Variants in SEL1L3 observed in about 807,000 individuals in gnomAD.
SEL1L3 encodes the protein protein sel-1 homolog 3.
Under a neutral mutation model 142.8 loss-of-function variants are expected in SEL1L3, and 76 were observed. The ratio of observed to expected loss-of-function variants is 0.53; its 90% CI spans 0.44 to 0.64. SEL1L3 has a LOEUF of 0.64. Among genes scored for constraint, SEL1L3 ranks in the 30% least tolerant of loss-of-function variants. The pLI, the probability that SEL1L3 is intolerant of heterozygous loss-of-function variation, is 0.00. For synonymous variants in SEL1L3, 504 were observed against 519.6 expected (o/e 0.97, Z 0.41); for missense variants, 1,262 against 1,381.7 (o/e 0.91, Z 1.37).
At chr4:25,749,175 C>T (rs375167704) in intron 23 of SEL1L3, among the ~76,000 whole-genome samples, 1 of 152,070 alleles carries the variant, frequency 6.6e-6, no homozygotes, top group South Asian at 2.1e-4. Context: ...GTTTGAGTCT[C>T]CCGGGCCTCG....
At chr4:25,724,748 AAAAAAAAAAAAAAAAAAAAAAAAG>A in the SEL1L3 span, among the ~76,000 whole-genome samples, 2 of 89,128 alleles carry the variant, frequency 2.2e-5, no homozygotes, top group African/African-American at 6.3e-5. Context: ...AAAAAAAAAA[AAAAAAAAAAAAAAAAAAAAAAAAG>A]GAAAAGAAAT....
the SEL1L3 span, among the ~76,000 whole-genome samples, chr4:25,715,797 T>TA: frequency 7.5e-6 from 1 of 133,486 alleles, no homozygotes; most frequent in East Asian, 2.0e-4. Flanking sequence ...GGTTATATAG[T>TA]AAAGGAAGAA....
Position 25,805,627 on chromosome 4 carries a change from G to A in SEL1L3, c.1565-875C>T, listed in dbSNP as rs76457839. Among the ~76,000 whole-genome samples the A allele has an allele frequency of 4.6e-3, 705 of 152,294 alleles. 3 individuals carry two copies. The highest frequency in any genetic ancestry group is 6.6e-3 in the Non-Finnish European group (451 of 68,036). ...TAATTCTCCCATGAATCTATAAGCTGATCATCATTTAAGCCCAAACAAGCA... is the reference window on the plus strand; with the variant it reads ...TAATTCTCCCATGAATCTATAAGCTAATCATCATTTAAGCCCAAACAAGCA... On this transcript the variant is annotated intron_variant, in intron 9 of 23. Coordinates refer to ENST00000399878, the MANE Select transcript of SEL1L3 (RefSeq NM_015187.5).
the SEL1L3 span, among the ~76,000 whole-genome samples, chr4:25,717,868 A>G: frequency 6.6e-6 from 1 of 152,204 alleles, no homozygotes; most frequent in African/African-American, 2.4e-5. Flanking sequence ...TAAAGGTTAA[A>G]CAATCTTATG....
the SEL1L3 span, among the ~76,000 whole-genome samples, chr4:25,726,723 TACA>T: frequency 6.6e-6 from 1 of 152,108 alleles, no homozygotes; most frequent in African/African-American, 2.4e-5. Flanking sequence ...GTGAAATTAT[TACA>T]ACAAGCCTTC....
Position 25,804,652 on chromosome 4 carries a change from G to A in SEL1L3, c.1665C>T (p.Ser555=). 1 of 1,613,558 alleles carries A rather than the reference G, an allele frequency of 6.2e-7. No individual in the cohort carries two copies. Among genetic ancestry groups the A allele is most frequent in the Non-Finnish European group, 8.5e-7 (1 of 1,179,472 alleles). The change falls in exon 10 of 24, where the codon AGC becomes AGT. Residue 555 remains serine, a synonymous_variant. Coordinates refer to ENST00000399878, the MANE Select transcript of SEL1L3 (RefSeq NM_015187.5). ...AATCCGTCAGAAAGGGGACGATAGAGCTAATTTGGTGAAGACCATCAATGC... is the reference window on the plus strand; with the variant it reads ...AATCCGTCAGAAAGGGGACGATAGAACTAATTTGGTGAAGACCATCAATGC... ...LSSIDGLHQI[S]SIVPFLTDSS...
chr4:25,798,096 T>C (rs1314521856), intron 11 of SEL1L3, among the ~76,000 whole-genome samples: 1 of 152,080 alleles, frequency 6.6e-6, no homozygotes, highest in African/African-American at 2.4e-5. Context: ...TGTTGCGAGT[T>C]TGGTTGGGGA....
intron 15 of SEL1L3, among the ~76,000 whole-genome samples, chr4:25,781,902 A>G (rs1177163984): frequency 6.6e-6 from 1 of 152,186 alleles, no homozygotes; most frequent in Non-Finnish European, 1.5e-5. Context: ...TTCTAGCAAG[A>G]TCAGTCTCTG....
At chr4:25,846,434 G>A (rs186687095) in intron 2 of SEL1L3, among the ~76,000 whole-genome samples, 171 of 152,254 alleles carry the variant, frequency 1.1e-3, no homozygotes, top group East Asian at 6.2e-3. Flanking sequence ...GGAACTGCTT[G>A]TTATCCCCAT....
At chr4:25,795,301 T>G (rs1193286848) in intron 11 of SEL1L3, among the ~76,000 whole-genome samples, 1 of 152,176 alleles carries the variant, frequency 6.6e-6, no homozygotes, top group Non-Finnish European at 1.5e-5. Context: ...AACTCATCAT[T>G]TTTTAGGGCC....
intron 11 of SEL1L3, among the ~76,000 whole-genome samples, chr4:25,794,633 A>T (rs1189805797): frequency 6.6e-6 from 1 of 152,222 alleles, no homozygotes; most frequent in Non-Finnish European, 1.5e-5. Flanking sequence ...AAATTAGTTC[A>T]ACCATTGTGG....
At chr4:25,840,388 A>C (rs1251677485) in intron 2 of SEL1L3, among the ~76,000 whole-genome samples, 1 of 152,174 alleles carries the variant, frequency 6.6e-6, no homozygotes, top group Non-Finnish European at 1.5e-5. Context: ...CTGCTGCATA[A>C]ACCATTTTTT....
At chr4:25,789,264 CTA>C (rs1475067001) in intron 12 of SEL1L3, among the ~76,000 whole-genome samples, 1 of 152,064 alleles carries the variant, frequency 6.6e-6, no homozygotes, top group Admixed American at 6.6e-5. Context: ...AGGAAGACCC[CTA>C]TAGAGAGGAG....
At chr4:25,827,248 A>C (rs1010111905) in intron 6 of SEL1L3, among the ~76,000 whole-genome samples, 1 of 152,192 alleles carries the variant, frequency 6.6e-6, no homozygotes, top group African/African-American at 2.4e-5. Flanking sequence ...CCAGCCCCTC[A>C]GATTGTGACC....
chr4:25,746,206 T>C (rs985976640), downstream of SEL1L3, among the ~76,000 whole-genome samples: 22 of 151,836 alleles, frequency 1.4e-4, no homozygotes, highest in African/African-American at 4.6e-4. Context: ...GCAAAAAATA[T>C]AAAAAATAAA....
chr4:25,833,522 T>A lies in SEL1L3; in HGVS notation c.908A>T (p.Asn303Ile), dbSNP rs373095142. The A allele has an allele frequency of 1.9e-6, 3 of 1,612,936 alleles. No homozygotes were observed. Among genetic ancestry groups the A allele is most frequent in the Non-Finnish European group, 2.5e-6 (3 of 1,179,292 alleles). The change falls in exon 4 of 24, where the codon AAC becomes ATC. Residue 303 changes from asparagine (N) to isoleucine (I), a missense_variant. Physicochemically the swap from Asn to Ile is moderately radical, Grantham distance 149. This residue lies in a region of SEL1L3 where 689 missense variants were observed against 692.8 expected (regional missense o/e 0.99). Coordinates refer to ENST00000399878, the MANE Select transcript of SEL1L3 (RefSeq NM_015187.5). ...WLYLLHYCKA[N>I]LCGILYFVDS... ...AACAAAGTACAGAATCCCACAGAGG[T>A]TGGCCTTGCAATAATGGAGTAAATA...
chr4:25,818,240 A>G lies in SEL1L3; in HGVS notation c.1462T>C (p.Tyr488His), dbSNP rs1229716282. Residue 488 changes from tyrosine to histidine, a missense_variant, in exon 9 of 24, where the codon TAT becomes CAT. Transcript: ENST00000399878. ...GCTCTGCACATCGAGGGTCTCCCATACCTGCGCTGGAGGTCCAGGTAGGAG... is the reference window on the plus strand; with the variant it reads ...GCTCTGCACATCGAGGGTCTCCCATGCCTGCGCTGGAGGTCCAGGTAGGAG... ...HNSYLDLQRR[Y>H]GRPSMCRAFP... is the part of the protein sequence containing the mutation. 6.2e-7 allele frequency: 1 copy of G among 1,602,286 alleles called. No homozygotes were observed. Among genetic ancestry groups the G allele is most frequent in the Non-Finnish European group, 8.5e-7 (1 of 1,174,490 alleles).
At position 25,776,347 on chromosome 4, in the gene SEL1L3, CAT is replaced by C; in HGVS notation, c.2597_2598del (p.His866ArgfsTer3). 6.2e-7 allele frequency: 1 copy of C among 1,609,490 alleles called. No homozygotes were observed. The highest frequency in any genetic ancestry group is 8.5e-7 in the Non-Finnish European group (1 of 1,176,674). The stretch of plus-strand genomic sequence containing the variant: ...CCCAAGTAGCCATTTTTCTCAGCTA[CAT>C]GTTTTGCCCATCTGAAAAAAAAAAG... ...DPEKAVVWAKHVAEKNGYLGH... is the reference protein window; with the variant it reads ...DPEKAVVWAKXVAEKNGYLGH... On this transcript the variant is annotated frameshift_variant, in exon 17 of 24. Coordinates refer to ENST00000399878, the MANE Select transcript of SEL1L3 (RefSeq NM_015187.5). LOFTEE classifies it high-confidence loss of function.
In SEL1L3 at chr4:25,820,022, C is replaced by T. The variant is rs1714648938; in HGVS notation, c.1291-82G>A. 5.8e-6 allele frequency: 8 copies of T among 1,381,666 alleles called. No homozygotes were observed. The South Asian group carries it at 6.4e-5, about 11-fold the overall frequency. 85.6% of individuals were successfully genotyped at this position (1,381,666 alleles called of 1,614,324 possible). A position where few individuals can be genotyped will look rare whatever the true frequency, so the allele number is the denominator to read the frequency against. ...CTCTAGGAGGATGTGTTTGGGTTGACTTTGTTCTCCCATTGACATCTCCAG... is the reference window on the plus strand; with the variant it reads ...CTCTAGGAGGATGTGTTTGGGTTGATTTTGTTCTCCCATTGACATCTCCAG... On this transcript the variant is annotated intron_variant, in intron 7 of 23. Transcript: ENST00000399878.
Sources: allele counts gnomAD v4.1 joint callset (sites outside exome capture counted in the v4.1 genomes callset), GRCh38; gene constraint gnomAD v4.1.1; regional missense constraint gnomAD v4.1.1; transcripts MANE v1.5; gene names NCBI Gene and HGNC (gene_info 2026-07-23, HGNC 2026-07-21).